Variants in TRIM24 observed in about 807,000 individuals in gnomAD.
TRIM24 encodes transcription intermediary factor 1-alpha.
Under a neutral mutation model 123.9 loss-of-function variants are expected in TRIM24, and 29 were observed. The ratio of observed to expected loss-of-function variants is 0.23; its 90% CI spans 0.17 to 0.32. The LOEUF is 0.32. TRIM24 is among the 10% of genes least tolerant of loss of function. The pLI is 1.00. For synonymous variants in TRIM24, 456 were observed against 461.1 expected (o/e 0.99, Z 0.14); for missense variants, 932 against 1,295.3 (o/e 0.72, Z 4.31).
intron 11 of TRIM24, among the ~76,000 whole-genome samples, chr7:138,571,853 G>A (rs1797663584): frequency 7.2e-6 from 1 of 138,906 alleles, no homozygotes; most frequent in Non-Finnish European, 1.6e-5. Context: ...TTACAGGCAT[G>A]AGCCACTACA....
chr7:138,511,192 C>T (rs1339612343), intron 2 of TRIM24, among the ~76,000 whole-genome samples: 1 of 152,132 alleles, frequency 6.6e-6, no homozygotes, highest in African/African-American at 2.4e-5. Context: ...GGGGAGGCCT[C>T]AGGAAACTTA....
At chr7:138,503,941 C>T (rs533757042) in intron 1 of TRIM24, among the ~76,000 whole-genome samples, 2 of 152,110 alleles carry the variant, frequency 1.3e-5, no homozygotes, top group Admixed American at 6.5e-5. Context: ...CTAGAGAAAA[C>T]CTGAGCTCCT....
chr7:138,560,685 G>A (rs932798703), intron 9 of TRIM24, among the ~76,000 whole-genome samples: 10 of 152,154 alleles, frequency 6.6e-5, no homozygotes, highest in African/African-American at 1.9e-4. Flanking sequence ...TGATGGAATT[G>A]TCTTACAAAT....
At chr7:138,517,031 G>A (rs1475480158) in intron 3 of TRIM24, among the ~76,000 whole-genome samples, 2 of 151,566 alleles carry the variant, frequency 1.3e-5, no homozygotes, top group African/African-American at 2.4e-5. Flanking sequence ...CTTGAACCAG[G>A]GAGCTCGAAG....
Position 138,554,983 on chromosome 7 carries a change from GCCTGT to G in TRIM24, c.1530+21_1530+25del, listed in dbSNP as rs1563058167. 1.9e-6 allele frequency: 3 copies of G among 1,611,002 alleles called. No individual in the cohort carries two copies. The South Asian group carries it at 3.3e-5, about 18-fold the overall frequency. On this transcript the variant is annotated intron_variant, in intron 9 of 18. Coordinates refer to ENST00000343526, the MANE Select transcript of TRIM24 (RefSeq NM_015905.3). This position sits in a 1 kb window ranked among gnomAD's most constrained non-coding sequence, Gnocchi z 4.5. The stretch of plus-strand genomic sequence containing the variant: ...TCTCATCAGGTAAATTTGGAAGCAG[GCCTGT>G]CCTCACTTAGATAATTATAGTATAA...
At chr7:138,461,176 G>A (rs758053194) in intron 1 of TRIM24, 2 of 699,772 alleles carry the variant, frequency 2.9e-6, no homozygotes, top group Admixed American at 1.8e-5. Context: ...CAACAGCCGG[G>A]CGGCCCCTGC....
At chr7:138,532,968 C>T (rs185702456) in intron 6 of TRIM24, among the ~76,000 whole-genome samples, 249 of 152,004 alleles carry the variant, frequency 1.6e-3, no homozygotes, top group East Asian at 4.6e-3. Flanking sequence ...TTATTCTCTT[C>T]GAAGCAATTG....
intron 2 of TRIM24, among the ~76,000 whole-genome samples, chr7:138,508,821 T>C (rs1225024044): frequency 6.6e-6 from 1 of 152,072 alleles, no homozygotes; most frequent in African/African-American, 2.4e-5. Flanking sequence ...GAAGCAGCCA[T>C]TTCTCCTAGG....
chr7:138,489,414 C>T (rs1422480488), intron 1 of TRIM24, among the ~76,000 whole-genome samples: 5 of 152,186 alleles, frequency 3.3e-5, no homozygotes, highest in Admixed American at 2.6e-4. Flanking sequence ...TTATTTTGCC[C>T]GTTAGTTGAT....
At chr7:138,565,423 T>C (rs967622428) in intron 9 of TRIM24, among the ~76,000 whole-genome samples, 1 of 142,046 alleles carries the variant, frequency 7.0e-6, no homozygotes, top group Non-Finnish European at 1.6e-5. Context: ...GGAATCATCC[T>C]GTTCCTGCTT....
intron 17 of TRIM24, among the ~76,000 whole-genome samples, chr7:138,582,743 G>C (rs1286610332): frequency 1.3e-5 from 2 of 151,904 alleles, no homozygotes; most frequent in African/African-American, 4.8e-5. Context: ...TTTTTCATTT[G>C]TTCTACAGTT....
intron 1 of TRIM24, among the ~76,000 whole-genome samples, chr7:138,502,701 C>T (rs111334744): frequency 5.9e-5 from 9 of 152,214 alleles, no homozygotes; most frequent in East Asian, 1.9e-4. Context: ...ATGAAAATTA[C>T]GTTTACTCCA....
chr7:138,567,688 TCTG>T (rs749155835), intron 10 of TRIM24, 34 bp downstream of exon 10: 335 of 1,520,504 alleles, frequency 2.2e-4, no homozygotes, highest in Non-Finnish European at 2.8e-4. Context: ...AATTGCTTTT[TCTG>T]CTGCTTTCTA....
chr7:138,526,563 C>T (rs750244033), intron 5 of TRIM24, among the ~76,000 whole-genome samples: 1 of 152,020 alleles, frequency 6.6e-6, no homozygotes, highest in Non-Finnish European at 1.5e-5. Flanking sequence ...AGGTGCCCAC[C>T]ACTGTGCCCA....
At position 138,498,411 on chromosome 7, in the gene TRIM24, G is replaced by A. The variant is rs554648948; in HGVS notation, c.365-5879G>A. Among the ~76,000 whole-genome samples, 66 of 151,964 alleles carry A rather than the reference G, an allele frequency of 4.3e-4. 1 individual carries two copies. The highest frequency in any genetic ancestry group is 4.3e-3 in the Admixed American group (65 of 15,260). ...GGCTAATTTTTGTATTTTTAGTAGA[G>A]ACAGGGTTTCACCATGTTGGCCAGG... On this transcript the variant is annotated intron_variant, in intron 1 of 18. Coordinates refer to ENST00000343526, the MANE Select transcript of TRIM24 (RefSeq NM_015905.3).
At chr7:138,556,106 C>T (rs1797311413) in intron 9 of TRIM24, among the ~76,000 whole-genome samples, 1 of 152,044 alleles carries the variant, frequency 6.6e-6, no homozygotes, top group Non-Finnish European at 1.5e-5. Context: ...ATGTAATTTC[C>T]TAAGTATGTT....
intron 1 of TRIM24, among the ~76,000 whole-genome samples, chr7:138,472,657 T>G (rs866794696): frequency 6.6e-6 from 1 of 152,222 alleles, no homozygotes. Context: ...GATACCTATC[T>G]GTCTTCTTAT....
intron 1 of TRIM24, among the ~76,000 whole-genome samples, chr7:138,480,073 C>T (rs889393583): frequency 6.6e-6 from 1 of 152,188 alleles, no homozygotes. Flanking sequence ...CTAGCTTCAG[C>T]CTCCCAAAGT....
At chr7:138,537,177 C>A (rs895858667) in intron 6 of TRIM24, among the ~76,000 whole-genome samples, 4 of 152,076 alleles carry the variant, frequency 2.6e-5, no homozygotes, top group Middle Eastern at 3.2e-3. Flanking sequence ...TGAGGCGATA[C>A]CTTGCCCTGC....
Sources: gnomAD v4.1 joint callset for allele counts (sites outside exome capture counted in the v4.1 genomes callset) on GRCh38, gnomAD v4.1.1 for gene constraint, Gnocchi (gnomAD v3.1) non-coding constraint, MANE v1.5 for transcripts, NCBI Gene and HGNC (gene_info 2026-07-23, HGNC 2026-07-21) for gene names.